Variants in GRIP1 observed in about 807,000 individuals in gnomAD.
GRIP1 encodes glutamate receptor-interacting protein 1.
Under a neutral mutation model 129.9 loss-of-function variants are expected in GRIP1, and 45 were observed. The observed-to-expected ratio is 0.35, with a 90% CI of 0.27 to 0.44. The LOEUF (loss-of-function observed/expected upper bound fraction) is 0.44. GRIP1 is among the 20% of genes least tolerant of loss of function. GRIP1 has a pLI of 1.00. For synonymous variants in GRIP1, 530 were observed against 520.8 expected (o/e 1.02, Z -0.24); for missense variants, 1,196 against 1,396.8 (o/e 0.86, Z 2.29).
chr12:66,793,636 T>C (rs2038610860), intron 1 of GRIP1, among the ~76,000 whole-genome samples: 1 of 152,156 alleles, frequency 6.6e-6, no homozygotes, highest in African/African-American at 2.4e-5. Context: ...TGGAATTATA[T>C]CCAAGCTGAC....
intron 1 of GRIP1, among the ~76,000 whole-genome samples, chr12:66,786,779 A>C (rs1204892070): frequency 6.6e-6 from 1 of 152,200 alleles, no homozygotes; most frequent in Non-Finnish European, 1.5e-5. Flanking sequence ...AGCCTTGAGC[A>C]ACACCCAGTT....
intron 7 of GRIP1, among the ~76,000 whole-genome samples, chr12:66,499,346 A>T (rs2060324229): frequency 6.6e-6 from 1 of 152,226 alleles, no homozygotes; most frequent in Non-Finnish European, 1.5e-5. Context: ...GATGAAGATT[A>T]TAAAAGTGCA....
intron 1 of GRIP1, among the ~76,000 whole-genome samples, chr12:66,873,991 C>T (rs1207585735): frequency 6.6e-6 from 1 of 152,052 alleles, no homozygotes; most frequent in African/African-American, 2.4e-5. Flanking sequence ...CTGGCAAAAA[C>T]AAGTTCTGCT....
chr12:66,372,127 C>T lies in GRIP1; in HGVS notation c.2779-200G>A, dbSNP rs185610858. ...TGCAAGTGACATTTATAATGCACAT[C>T]TCAAATCCAATTTAAGTACTTAAGC... On this transcript the variant is annotated intron_variant, in intron 22 of 24. Transcript: ENST00000359742. The T allele has an allele frequency of 7.1e-4, 439 of 617,556 alleles. 1 individual carries two copies. Among genetic ancestry groups the T allele is most frequent in the Middle Eastern group, 8.7e-4 (2 of 2,312 alleles). 38.3% of individuals were successfully genotyped at this position (617,556 alleles called of 1,614,324 possible). A position where few individuals can be genotyped will look rare whatever the true frequency, so the allele number is the denominator to read the frequency against.
chr12:66,820,979 G>A (rs2039306760), intron 1 of GRIP1, among the ~76,000 whole-genome samples: 1 of 152,104 alleles, frequency 6.6e-6, no homozygotes, highest in Admixed American at 6.6e-5. Context: ...AACACCAAGA[G>A]TGAACCTTAA....
chr12:66,602,848 CTTTTTTTT>C (rs71436016), intron 1 of GRIP1, among the ~76,000 whole-genome samples: 2 of 71,662 alleles, frequency 2.8e-5, no homozygotes, highest in South Asian at 6.0e-4. Flanking sequence ...AGATCTTTTG[CTTTTTTTT>C]TTTTTTTTTT....
intron 2 of GRIP1, among the ~76,000 whole-genome samples, chr12:66,558,068 C>T (rs776482845): frequency 5.3e-5 from 8 of 151,954 alleles, no homozygotes; most frequent in Non-Finnish European, 1.0e-4. Flanking sequence ...AAACCTTTAG[C>T]CAGACTATGA....
At chr12:66,886,852 T>C (rs745331962) in intron 1 of GRIP1, among the ~76,000 whole-genome samples, 6 of 152,214 alleles carry the variant, frequency 3.9e-5, no homozygotes, top group Non-Finnish European at 7.3e-5. Flanking sequence ...ATATTACTGT[T>C]GTTAATTACT....
At chr12:66,964,750 C>T (rs978390129) in intron 1 of GRIP1, among the ~76,000 whole-genome samples, 1 of 152,160 alleles carries the variant, frequency 6.6e-6, no homozygotes, top group Admixed American at 6.5e-5. Context: ...CAAATTACCA[C>T]AGACTGGTGG....
intron 1 of GRIP1, among the ~76,000 whole-genome samples, chr12:66,770,829 C>T (rs1174889027): frequency 2.0e-5 from 3 of 152,194 alleles, no homozygotes; most frequent in Non-Finnish European, 4.4e-5. Context: ...GGTGCAGTGG[C>T]TCATGCCTAT....
At chr12:66,834,482 G>A (rs920022134) in intron 1 of GRIP1, among the ~76,000 whole-genome samples, 1 of 152,138 alleles carries the variant, frequency 6.6e-6, no homozygotes, top group African/African-American at 2.4e-5. Flanking sequence ...AAAAACTCTA[G>A]GGGAAAATGA....
At chr12:66,493,719 G>A (rs1392104828) in intron 7 of GRIP1, among the ~76,000 whole-genome samples, 1 of 152,204 alleles carries the variant, frequency 6.6e-6, no homozygotes, top group African/African-American at 2.4e-5. Flanking sequence ...GAGAGACTTA[G>A]CTAAAGGGCA....
intron 1 of GRIP1, among the ~76,000 whole-genome samples, chr12:66,946,710 G>A (rs2041672915): frequency 6.9e-6 from 1 of 145,420 alleles, no homozygotes; most frequent in Admixed American, 6.9e-5. Context: ...CCAATGCTTG[G>A]GCTGGCCATG....
chr12:67,068,776 C>T (rs2043677520), intron 1 of GRIP1, among the ~76,000 whole-genome samples: 1 of 149,676 alleles, frequency 6.7e-6, no homozygotes, highest in Non-Finnish European at 1.5e-5. Flanking sequence ...CCCCTACATC[C>T]TCGCCAGAAA....
intron 1 of GRIP1, among the ~76,000 whole-genome samples, chr12:66,981,271 T>A (rs749315330): frequency 6.7e-6 from 1 of 149,430 alleles, no homozygotes; most frequent in Non-Finnish European, 1.5e-5. Flanking sequence ...TTATTATGAC[T>A]TTTTAAAGAA....
chr12:66,428,950 T>C (rs987822392), intron 14 of GRIP1, among the ~76,000 whole-genome samples: 1 of 152,172 alleles, frequency 6.6e-6, no homozygotes, highest in Non-Finnish European at 1.5e-5. Flanking sequence ...TGTGGAGGCA[T>C]CAGGATGTGA....
chr12:66,538,200 C>CTT (rs60932537), intron 4 of GRIP1, among the ~76,000 whole-genome samples: 7 of 134,436 alleles, frequency 5.2e-5, no homozygotes, highest in African/African-American at 1.8e-4. Flanking sequence ...TCTTGCTGTA[C>CTT]TTTTTTTTTT....
rs761279510 is a variant in GRIP1, at chr12:66,371,934, C to T, written c.2779-7G>A. 8.9e-6 allele frequency: 14 copies of T among 1,581,574 alleles called. No individual in the cohort carries two copies. In the South Asian group the frequency reaches 1.5e-4, roughly 17 times the overall value. ...TCCCCGACATGATTGTTGCCTGTGGCATTGACAATTTTTAGAAACAATTAA... is the reference window on the plus strand; with the variant it reads ...TCCCCGACATGATTGTTGCCTGTGGTATTGACAATTTTTAGAAACAATTAA... On this transcript the variant is annotated splice_region_variant and splice_polypyrimidine_tract_variant and intron_variant, in intron 22 of 24. Coordinates refer to ENST00000359742, the MANE Select transcript of GRIP1 (RefSeq NM_001366722.1).
At chr12:66,566,497 T>A (rs1194874755) in intron 2 of GRIP1, among the ~76,000 whole-genome samples, 1 of 152,228 alleles carries the variant, frequency 6.6e-6, no homozygotes, top group Non-Finnish European at 1.5e-5. Context: ...ATAAGCTTTT[T>A]GATGTGCTGC....
Sources: gnomAD v4.1 joint callset for allele counts (sites outside exome capture counted in the v4.1 genomes callset) on GRCh38, gnomAD v4.1.1 for gene constraint, MANE v1.5 for transcripts, NCBI Gene and HGNC (gene_info 2026-07-23, HGNC 2026-07-21) for gene names.